Variants in AKAP13 observed in about 807,000 individuals in gnomAD.
AKAP13 encodes A-kinase anchor protein 13.
Under a neutral mutation model 264.5 loss-of-function variants are expected in AKAP13, and 80 were observed. The ratio of observed to expected loss-of-function variants is 0.30; its 90% CI spans 0.25 to 0.36. The LOEUF (loss-of-function observed/expected upper bound fraction) is 0.36, where lower values mean the gene tolerates loss of function less well. AKAP13 is among the 10% of genes least tolerant of loss of function. The pLI, the probability that AKAP13 is intolerant of heterozygous loss-of-function variation, is 1.00. For synonymous variants in AKAP13, 1,380 were observed against 1,250.2 expected, an observed-to-expected ratio of 1.10 and a Z score of -2.19; for missense variants, 3,712 against 3,435.2, an observed-to-expected ratio of 1.08 and a Z score of -2.01.
At chr15:85,737,837 C>T (rs2088655046) in intron 33 of AKAP13, among the ~76,000 whole-genome samples, 2 of 151,818 alleles carry the variant, frequency 1.3e-5, no homozygotes, top group South Asian at 4.2e-4. Context: ...TGGGGTTTCA[C>T]CATGTTGCCC....
At chr15:85,661,441 A>G (rs1479321595) in intron 12 of AKAP13, among the ~76,000 whole-genome samples, 1 of 152,140 alleles carries the variant, frequency 6.6e-6, no homozygotes, top group Non-Finnish European at 1.5e-5. Flanking sequence ...ATTATCAGCC[A>G]GGTGCGGTGG....
At chr15:85,691,862 A>G (rs974912080) in intron 16 of AKAP13, 5 of 493,448 alleles carry the variant, frequency 1.0e-5, no homozygotes, top group African/African-American at 1.9e-5. Context: ...TTCACAAAAG[A>G]GGTCAGAGAG....
intron 1 of AKAP13, among the ~76,000 whole-genome samples, chr15:85,396,179 CT>C (rs2071102289): frequency 2.0e-5 from 3 of 152,046 alleles, no homozygotes; most frequent in Admixed American, 6.6e-5. Context: ...TAAAGCATTC[CT>C]TTTGGGGAAA....
At chr15:85,629,764 C>CTTTTT (rs773396099) in intron 8 of AKAP13, among the ~76,000 whole-genome samples, 1,421 of 50,522 alleles carry the variant, frequency 0.028, 328 homozygotes, top group Non-Finnish European at 0.038. Context: ...CCTTTACAGC[C>CTTTTT]TTTTTTTTTT....
chr15:85,608,733 A>T (rs2080466996), intron 8 of AKAP13, among the ~76,000 whole-genome samples: 1 of 152,228 alleles, frequency 6.6e-6, no homozygotes, highest in Non-Finnish European at 1.5e-5. Context: ...GAAGAACCAT[A>T]TTCTGATTGT....
rs1235522667 is a variant in AKAP13, at chr15:85,468,975, C to T, written c.-11-16735C>T. On this transcript the variant is annotated intron_variant, in intron 1 of 36. Transcript: ENST00000394518. ...TGTCACCCAGGCTGGAGTGCAATGG[C>T]GTGATCTCAGCTCACTGCAGCCTCT... Among the ~76,000 whole-genome samples the T allele has an allele frequency of 3.5e-5, 4 of 114,520 alleles. 1 individual carries two copies. Among genetic ancestry groups the T allele is most frequent in the Non-Finnish European group, 5.2e-5 (3 of 57,720 alleles). The allele number at this position is 114,520 out of a possible 152,430, so 75.1% of individuals were successfully genotyped here. A position where few individuals can be genotyped will look rare whatever the true frequency, so the allele number is the denominator to read the frequency against.
chr15:85,401,923 G>A (rs2071437530), intron 1 of AKAP13, among the ~76,000 whole-genome samples: 1 of 152,220 alleles, frequency 6.6e-6, no homozygotes, highest in Admixed American at 6.5e-5. Context: ...TCACTGACTG[G>A]TAGAAATGTA....
At chr15:85,394,141 T>A (rs2071001387) in intron 1 of AKAP13, among the ~76,000 whole-genome samples, 1 of 152,244 alleles carries the variant, frequency 6.6e-6, no homozygotes, top group African/African-American at 2.4e-5. Context: ...ACCAGTTTTT[T>A]AGGTTCATTT....
chr15:85,401,306 C>T (rs113834968), intron 1 of AKAP13, among the ~76,000 whole-genome samples: 1 of 10,824 alleles, frequency 9.2e-5, no homozygotes, highest in Non-Finnish European at 2.2e-4. Context: ...GATTATTGAA[C>T]TGTTAGTTTC....
In AKAP13 at chr15:85,467,620, C is replaced by T. The variant is rs115494499; in HGVS notation, c.-11-18090C>T. 4.6e-3 allele frequency among the ~76,000 whole-genome samples: 702 copies of T among 152,260 alleles called. 6 individuals carry two copies. The highest frequency in any genetic ancestry group is 0.016 in the African/African-American group (679 of 41,550). On this transcript the variant is annotated intron_variant, in intron 1 of 36. Coordinates refer to ENST00000394518, the MANE Select transcript of AKAP13 (RefSeq NM_007200.5). ...TTTCCTAGGTAGAATTGGCCACTCC[C>T]TTGTGTCTTCCTTGTTTTCATATCT... is the stretch of plus-strand genomic sequence containing the variant.
Position 85,581,573 on chromosome 15 carries a change from T to C in AKAP13, c.3505T>C (p.Cys1169Arg), listed in dbSNP as rs1216840381. ...GAAGCTGGAGGGAGCAGACCACAGCTGTACCATGGGTGACGCTGAGGAAGC... is the reference window on the plus strand; with the variant it reads ...GAAGCTGGAGGGAGCAGACCACAGCCGTACCATGGGTGACGCTGAGGAAGC... Reference protein sequence around the residue: ...KGKLEGADHSCTMGDAEEAQI... With the variant: ...KGKLEGADHSRTMGDAEEAQI... Residue 1169 changes from cysteine to arginine, a missense_variant, in exon 7 of 37, where the codon TGT (cysteine) becomes CGT (arginine). This residue lies in a region of AKAP13 where 2,759 missense variants were observed against 2,411.7 expected (regional missense o/e 1.14). Transcript: ENST00000394518. The C allele has an allele frequency of 6.2e-7, 1 of 1,614,168 alleles. No individual in the cohort carries two copies. Among genetic ancestry groups the C allele is most frequent in the East Asian group, 2.2e-5 (1 of 44,874 alleles).
chr15:85,518,017 T>A (rs2076671847), intron 2 of AKAP13, among the ~76,000 whole-genome samples: 1 of 152,344 alleles, frequency 6.6e-6, no homozygotes, highest in South Asian at 2.1e-4. Flanking sequence ...TCTTGAATAT[T>A]GCCCTTGTTA....
At chr15:85,451,219 T>C (rs2074078634) in intron 1 of AKAP13, among the ~76,000 whole-genome samples, 1 of 152,206 alleles carries the variant, frequency 6.6e-6, no homozygotes, top group African/African-American at 2.4e-5. Context: ...GTTTCCCATT[T>C]GCTTGGTAGA....
intron 2 of AKAP13, among the ~76,000 whole-genome samples, chr15:85,495,199 T>C (rs1414485358): frequency 6.6e-6 from 1 of 152,200 alleles, no homozygotes; most frequent in Non-Finnish European, 1.5e-5. Context: ...ACCAAGGCCC[T>C]GGAACAGTAA....
rs866445580 is a variant in AKAP13, at chr15:85,677,607, A to C, written c.5102-4551A>C. 4.7e-5 allele frequency among the ~76,000 whole-genome samples: 7 copies of C among 150,008 alleles called. No homozygotes were observed. In the South Asian group the frequency reaches 8.4e-4, roughly 18 times the overall value. On this transcript the variant is annotated intron_variant, in intron 14 of 36. Transcript: ENST00000394518. The stretch of plus-strand genomic sequence containing the variant: ...CCTTTAAGATTAGACCCCATGAATT[A>C]GAGGGAGGGAGTTATATACGTTTTG...
intron 1 of AKAP13, among the ~76,000 whole-genome samples, chr15:85,437,937 A>G (rs1215437842): frequency 6.1e-5 from 9 of 148,102 alleles, no homozygotes; most frequent in African/African-American, 2.0e-4. Context: ...CACCACTCCT[A>G]TTCAACATAG....
intron 16 of AKAP13, chr15:85,685,372 G>A (rs1001515475): frequency 6.6e-6 from 1 of 152,264 alleles, no homozygotes; most frequent in African/African-American, 2.4e-5. Context: ...GAACTTTTAA[G>A]ACTAATATGA....
intron 1 of AKAP13, among the ~76,000 whole-genome samples, chr15:85,466,437 G>A (rs1182774249): frequency 6.6e-6 from 1 of 152,130 alleles, no homozygotes; most frequent in East Asian, 1.9e-4. Context: ...CCATGCCTAT[G>A]TCCTGAATGG....
At chr15:85,721,130 T>G (rs1467653771) in intron 23 of AKAP13, among the ~76,000 whole-genome samples, 1 of 152,256 alleles carries the variant, frequency 6.6e-6, no homozygotes. Flanking sequence ...TGTACCTCCT[T>G]GTACTTGTGT....
Sources: allele counts gnomAD v4.1 joint callset (sites outside exome capture counted in the v4.1 genomes callset), GRCh38; gene constraint gnomAD v4.1.1; regional missense constraint gnomAD v4.1.1; transcripts MANE v1.5; gene names NCBI Gene and HGNC (gene_info 2026-07-23, HGNC 2026-07-21).